Variants in ARMH4 observed in about 807,000 individuals in gnomAD.
The protein encoded by ARMH4 is armadillo like helical domain containing 4.
A neutral mutation model predicts 61.9 loss-of-function variants in ARMH4; 49 were observed. The observed-to-expected ratio is 0.79, with a 90% confidence interval of 0.63 to 1.00. The LOEUF is 1.00. Among genes scored for constraint, ARMH4 ranks in the 50% least tolerant of loss-of-function variants. ARMH4 has a pLI of 0.00. For synonymous variants in ARMH4, 368 were observed against 341.5 expected (o/e 1.08, Z -0.85); for missense variants, 934 against 930.0 (o/e 1.00, Z -0.06).
Position 58,003,587 on chromosome 14 carries a change from C to T in ARMH4, c.*1149G>A, listed in dbSNP as rs902752737. 1 of 152,164 alleles carries T rather than the reference C, an allele frequency of 6.6e-6. No homozygotes were observed. The highest frequency in any genetic ancestry group is 2.4e-5 in the African/African-American group (1 of 41,432). 9.4% of individuals were successfully genotyped at this position (152,164 alleles called of 1,614,324 possible). On this transcript the variant is annotated 3_prime_UTR_variant, in exon 8 of 8. Coordinates refer to ENST00000267485, the MANE Select transcript of ARMH4 (RefSeq NM_001001872.4). ...AGATTCAAATAGCGCATTGGAATAT[C>T]CTATTTTGTATAGGGCAGGGAATTA...
At chr14:58,009,348 T>C (rs1399684857) in intron 6 of ARMH4, among the ~76,000 whole-genome samples, 1 of 152,140 alleles carries the variant, frequency 6.6e-6, no homozygotes, top group Admixed American at 6.5e-5. Context: ...TTTTTCCTCC[T>C]TCCTCTGGCT....
intron 5 of ARMH4, among the ~76,000 whole-genome samples, chr14:58,031,386 G>A (rs958357241): frequency 1.3e-5 from 2 of 152,164 alleles, no homozygotes; most frequent in Non-Finnish European, 2.9e-5. Context: ...AGTTTGTTAC[G>A]AAGAGGCAGC....
chr14:58,102,644 T>C (rs2141273851), intron 4 of ARMH4, among the ~76,000 whole-genome samples: 1 of 148,712 alleles, frequency 6.7e-6, no homozygotes, highest in East Asian at 2.0e-4. Flanking sequence ...ACCCCGTCTC[T>C]ACTAAAAATA....
intron 5 of ARMH4, among the ~76,000 whole-genome samples, chr14:58,058,139 T>A (rs1884410488): frequency 6.6e-6 from 1 of 152,228 alleles, no homozygotes; most frequent in Admixed American, 6.5e-5. Context: ...GATACCAACA[T>A]CTGAGGATGT....
intron 5 of ARMH4, among the ~76,000 whole-genome samples, chr14:58,074,574 T>C (rs1314058281): frequency 2.6e-5 from 4 of 152,016 alleles, no homozygotes; most frequent in African/African-American, 9.7e-5. Flanking sequence ...TTCTGTGGTG[T>C]AAATCCTCCC....
chr14:58,073,958 T>C (rs781536888), intron 5 of ARMH4, among the ~76,000 whole-genome samples: 5 of 152,206 alleles, frequency 3.3e-5, no homozygotes, highest in Non-Finnish European at 5.9e-5. Context: ...AAAAAGGCCA[T>C]ACAAATTTAA....
At chr14:58,142,932 T>C (rs1166902066) in intron 1 of ARMH4, among the ~76,000 whole-genome samples, 1 of 152,056 alleles carries the variant, frequency 6.6e-6, no homozygotes, top group South Asian at 2.1e-4. Flanking sequence ...AAGGAATCCA[T>C]GGATTTAGAG....
rs373371374 is a variant in ARMH4, at chr14:58,131,507, A to G, written c.1831+5T>C. ...TTGAAAAGATCCCCTTCAAAGCATG[A>G]ATACCTTCAGATTCAAGTTGGTCCA... On this transcript the variant is annotated splice_donor_5th_base_variant and intron_variant, in intron 4 of 7. Coordinates refer to ENST00000267485, the MANE Select transcript of ARMH4 (RefSeq NM_001001872.4). 5.6e-6 allele frequency: 9 copies of G among 1,611,256 alleles called. No individual in the cohort carries two copies. In the African/African-American group the frequency reaches 1.2e-4, roughly 22 times the overall value.
intron 5 of ARMH4, among the ~76,000 whole-genome samples, chr14:58,072,993 C>T (rs1484263562): frequency 2.0e-5 from 3 of 152,200 alleles, no homozygotes; most frequent in Admixed American, 1.3e-4. Flanking sequence ...CAACTTCTGG[C>T]TACAGCGCCC....
chr14:58,022,469 A>G lies in ARMH4; in HGVS notation c.2090-10319T>C, dbSNP rs115548712. Among the ~76,000 whole-genome samples the G allele has an allele frequency of 8.3e-3, 1,267 of 152,296 alleles. 23 individuals carry two copies. The highest frequency in any genetic ancestry group is 0.029 in the African/African-American group (1,187 of 41,556). On this transcript the variant is annotated intron_variant, in intron 5 of 7. Transcript: ENST00000267485. The stretch of plus-strand genomic sequence containing the variant: ...GGAAGCCACTATTCTGCCTCATTAC[A>G]TCAGGTAAATCCCTGAGTTTTCCTC...
intron 1 of ARMH4, among the ~76,000 whole-genome samples, chr14:58,151,311 C>G (rs1162617800): frequency 6.6e-6 from 1 of 152,256 alleles, no homozygotes; most frequent in Admixed American, 6.5e-5. Context: ...GGAATCTACA[C>G]AAGTCAGATT....
At chr14:58,107,024 C>T (rs1886185420) in intron 4 of ARMH4, among the ~76,000 whole-genome samples, 2 of 152,068 alleles carry the variant, frequency 1.3e-5, no homozygotes, top group Admixed American at 6.5e-5. Flanking sequence ...AGAAATTTTG[C>T]CCTATGACCC....
At chr14:58,016,870 T>C (rs1882633858) in intron 5 of ARMH4, among the ~76,000 whole-genome samples, 1 of 152,194 alleles carries the variant, frequency 6.6e-6, no homozygotes, top group African/African-American at 2.4e-5. Context: ...ACAGCTAATA[T>C]TATACTCAAT....
chr14:58,076,094 GA>G (rs1885037811), intron 5 of ARMH4, among the ~76,000 whole-genome samples: 1 of 147,012 alleles, frequency 6.8e-6, no homozygotes, highest in Non-Finnish European at 1.5e-5. Context: ...GGAGGAAGGG[GA>G]GGGGAAGGGG....
At chr14:58,082,319 C>T (rs1184114883) in intron 5 of ARMH4, among the ~76,000 whole-genome samples, 1 of 152,212 alleles carries the variant, frequency 6.6e-6, no homozygotes, top group African/African-American at 2.4e-5. Context: ...CTCACCTGCT[C>T]CTCTCTTACA....
At position 58,063,241 on chromosome 14, in the gene ARMH4, G is replaced by C. The variant is rs1227023954; in HGVS notation, c.2089+33483C>G. ...CATGGCGTTCTCCCTGCATGTCTGT[G>C]TCTGTGTCAAAATGTCCCTCTTCTT... is the stretch of plus-strand genomic sequence containing the variant. On this transcript the variant is annotated intron_variant, in intron 5 of 7. Transcript: ENST00000267485. Among the ~76,000 whole-genome samples the C allele has an allele frequency of 2.6e-5, 4 of 152,120 alleles. No homozygotes were observed. In the East Asian group the frequency reaches 7.7e-4, roughly 29 times the overall value.
At chr14:58,050,836 C>T (rs1431520777) in intron 5 of ARMH4, among the ~76,000 whole-genome samples, 1 of 151,858 alleles carries the variant, frequency 6.6e-6, no homozygotes, top group African/African-American at 2.4e-5. Context: ...TGCAATTTTC[C>T]CTCCCCTCGA....
chr14:58,132,953 A>G (rs1158944071), intron 3 of ARMH4, 137 bp downstream of exon 3: 5 of 864,878 alleles, frequency 5.8e-6, no homozygotes, highest in Non-Finnish European at 9.1e-6. Flanking sequence ...CTTTCCAGGT[A>G]AAGGTGTGTG....
At position 58,138,571 on chromosome 14, in the gene ARMH4, T is replaced by C. The variant is rs186510349; in HGVS notation, c.788A>G (p.Asp263Gly). The change falls in exon 2 of 8, where the codon GAT (aspartate) becomes GGT (glycine). Residue 263 changes from aspartate (D) to glycine (G), a missense_variant. By Grantham distance (94) the Asp-to-Gly change is moderately conservative. Transcript: ENST00000267485. ...DKEKPSQMTA[D>G]NTQAAATKQP... ...CTTGGTGGCAGCAGCCTGGGTGTTA[T>C]CAGCTGTCATCTGCGAAGGCTTCTC... 1.5e-4 allele frequency: 238 copies of C among 1,614,214 alleles called. No individual in the cohort carries two copies. Among genetic ancestry groups the C allele is most frequent in the Non-Finnish European group, 1.6e-4 (188 of 1,180,038 alleles).
Sources: gnomAD v4.1 joint callset for allele counts (sites outside exome capture counted in the v4.1 genomes callset) on GRCh38, gnomAD v4.1.1 for gene constraint, MANE v1.5 for transcripts, NCBI Gene and HGNC (gene_info 2026-07-23, HGNC 2026-07-21) for gene names.